The following TBCD variants were observed in gnomAD, a reference collection of about 807,000 sequenced individuals.
The protein encoded by TBCD is tubulin folding cofactor D, also known as tubulin-specific chaperone D.
A neutral mutation model predicts 169.3 loss-of-function variants in TBCD; 105 were observed. The ratio of observed to expected loss-of-function variants is 0.62; its 90% CI spans 0.53 to 0.73. The LOEUF is 0.73. Ranked by LOEUF, TBCD falls within the 30% of genes least tolerant of loss-of-function variation. The pLI is 0.00. For missense variants in TBCD, 1,444 were observed against 1,600.1 expected (o/e 0.90, Z 1.66); for synonymous variants, 700 against 643.9 (o/e 1.09, Z -1.32).
rs1555671184 is a variant in TBCD, at chr17:82,938,106, G to A, written c.3339G>A (p.Leu1113=). 6.2e-7 allele frequency: 1 copy of A among 1,612,810 alleles called. No homozygotes were observed. Among genetic ancestry groups the A allele is most frequent in the Non-Finnish European group, 8.5e-7 (1 of 1,179,858 alleles). ...GDVRRQALLQ[L]CLLLCHRFPL... ...TGAGGAGGCAGGCCCTCCTGCAGCT[G>A]TGTCTGCTCCTCTGCCACCGTTTCC... Residue 1113 remains leucine (L), a synonymous_variant, in exon 36 of 39, where the codon CTG becomes CTA. Transcript: ENST00000355528.
intron 13 of TBCD, among the ~76,000 whole-genome samples, chr17:82,827,863 AC>A (rs1342995143): frequency 7.6e-4 from 81 of 107,266 alleles, no homozygotes; most frequent in East Asian, 1.8e-3. Context: ...ATGCACACAC[AC>A]CCCCCCACAG....
At position 82,861,712 on chromosome 17, in the gene TBCD, G is replaced by A. The variant is rs181235926; in HGVS notation, c.1319-8512G>A. ...CTCACCAAGCTGTGCTGGTGTGGCC[G>A]TGGCACATACCGGGCTTTTTACGTC... On this transcript the variant is annotated intron_variant, in intron 13 of 38. Transcript: ENST00000355528. Among the ~76,000 whole-genome samples, 105 of 152,314 alleles carry A rather than the reference G, an allele frequency of 6.9e-4. 1 individual carries two copies. In the East Asian group the frequency reaches 0.019, roughly 28 times the overall value.
At chr17:82,795,496 T>G in intron 7 of TBCD, 1 of 983,208 alleles carries the variant, frequency 1.0e-6, no homozygotes, top group Non-Finnish European at 1.2e-6. Flanking sequence ...GCGGTCTTCG[T>G]TGTTGAGCAC....
Position 82,920,231 on chromosome 17 carries a change from C to T in TBCD, c.2039-325C>T, listed in dbSNP as rs2061333746. Among the ~76,000 whole-genome samples, 2 of 152,244 alleles carry T rather than the reference C, an allele frequency of 1.3e-5. No homozygotes were observed. Among genetic ancestry groups the T allele is most frequent in the South Asian group, 4.1e-4 (2 of 4,832 alleles). On this transcript the variant is annotated intron_variant, in intron 23 of 38. Transcript: ENST00000355528. The surrounding 1 kb of genome is among the most constrained non-coding windows in gnomAD (Gnocchi z 4.1). ...AGCAGAAGCCGCTATGCTTCCCGTACAGCCTGTCACAGGGACGTCTGCAGC... is the reference window on the plus strand; with the variant it reads ...AGCAGAAGCCGCTATGCTTCCCGTATAGCCTGTCACAGGGACGTCTGCAGC...
chr17:82,859,756 A>T, intron 13 of TBCD: 1 of 985,350 alleles, frequency 1.0e-6, no homozygotes, highest in Non-Finnish European at 1.2e-6. Flanking sequence ...TGCTGCCCAG[A>T]CTCACCCTGA....
Position 82,809,739 on chromosome 17 carries a change from G to T in TBCD, c.1180G>T (p.Ala394Ser), listed in dbSNP as rs372635763. Residue 394 changes from alanine (A) to serine (S), a missense_variant, in exon 12 of 39, where the codon GCC (alanine) becomes TCC (serine). By Grantham distance (99) the Ala-to-Ser change is moderately conservative. Coordinates refer to ENST00000355528, the MANE Select transcript of TBCD (RefSeq NM_005993.5). ...IGRMAGRLPRALADDVVGSVL... is the reference protein window; with the variant it reads ...IGRMAGRLPRSLADDVVGSVL... The stretch of plus-strand genomic sequence containing the variant: ...TAGGATGGCTGGCAGGCTTCCCAGA[G>T]CCCTGGCGGATGATGTGGTCGGGTC... The T allele has an allele frequency of 6.2e-6, 10 of 1,613,556 alleles. No homozygotes were observed. The African/African-American group carries it at 1.1e-4, about 17-fold the overall frequency.
Position 82,935,843 on chromosome 17 carries a change from C to A in TBCD, c.3192-1428C>A, listed in dbSNP as rs529612024. Among the ~76,000 whole-genome samples the A allele has an allele frequency of 2.0e-5, 3 of 152,310 alleles. No homozygotes were observed. In the South Asian group the frequency reaches 6.2e-4, roughly 32 times the overall value. On this transcript the variant is annotated intron_variant, in intron 34 of 38. Coordinates refer to ENST00000355528, the MANE Select transcript of TBCD (RefSeq NM_005993.5). ...CTCATCACTTACTGCTTTTGGGACC[C>A]CCCCCATCGGGGTTCACATTCCCTC...
At chr17:82,865,306 G>A (rs988720947) in intron 13 of TBCD, among the ~76,000 whole-genome samples, 3 of 152,222 alleles carry the variant, frequency 2.0e-5, no homozygotes, top group African/African-American at 7.2e-5. Context: ...CTGCAGGGAC[G>A]GCCACGCGGC....
chr17:82,834,539 A>C (rs1435794219), intron 13 of TBCD, among the ~76,000 whole-genome samples: 4 of 152,240 alleles, frequency 2.6e-5, no homozygotes, highest in Non-Finnish European at 5.9e-5. Context: ...TGCAGCCATA[A>C]AAAGGAACGC....
chr17:82,805,907 A>G lies in TBCD; in HGVS notation c.983A>G (p.Asn328Ser), dbSNP rs2050924588. 2.5e-6 allele frequency: 4 copies of G among 1,611,422 alleles called. No individual in the cohort carries two copies. The East Asian group carries it at 8.9e-5, about 36-fold the overall frequency. The stretch of plus-strand genomic sequence containing the variant: ...CGTGGCTGCCGATCTTTGGCTGCAA[A>G]TCTGCAGCTCCTCACTCAGGGTCAG... The part of the protein sequence containing the change: ...YQRGCRSLAA[N>S]LQLLTQGQSE... The change falls in exon 10 of 39, where the codon AAT becomes AGT. Residue 328 changes from asparagine (N) to serine (S), a missense_variant. Transcript: ENST00000355528.
intron 1 of TBCD, among the ~76,000 whole-genome samples, chr17:82,752,760 C>T (rs1272511812): frequency 1.3e-5 from 2 of 152,210 alleles, no homozygotes; most frequent in African/African-American, 4.8e-5. Flanking sequence ...AGCTGGTCAG[C>T]CCTGCAGTGT....
intron 9 of TBCD, among the ~76,000 whole-genome samples, chr17:82,803,528 T>A (rs2050728313): frequency 6.6e-6 from 1 of 152,112 alleles, no homozygotes; most frequent in Non-Finnish European, 1.5e-5. Context: ...CAACATCCTC[T>A]CCCCCACATA....
chr17:82,900,263 G>C (rs1429377223), intron 17 of TBCD, among the ~76,000 whole-genome samples: 1 of 151,732 alleles, frequency 6.6e-6, no homozygotes, highest in Non-Finnish European at 1.5e-5. Flanking sequence ...GCACGTCCTT[G>C]AATTTTGTGT....
rs933867513 is a variant in TBCD at position 82,915,799 on chromosome 17, A to G, written c.2038+4010A>G. Among the ~76,000 whole-genome samples, 7 of 152,258 alleles carry G rather than the reference A, an allele frequency of 4.6e-5. No homozygotes were observed. Among genetic ancestry groups the G allele is most frequent in the African/African-American group, 1.7e-4 (7 of 41,550 alleles). On this transcript the variant is annotated intron_variant, in intron 23 of 38. Transcript: ENST00000355528. This position sits in a 1 kb window ranked among gnomAD's most constrained non-coding sequence, Gnocchi z 4.3. ...CGAAGACGGGAGGGAAACCAGAGGG[A>G]CTGGTGAGCCTTGAGTCGGCCACAG...
chr17:82,759,325 A>G (rs2047624200), intron 2 of TBCD, among the ~76,000 whole-genome samples: 1 of 152,036 alleles, frequency 6.6e-6, no homozygotes, highest in Non-Finnish European at 1.5e-5. Flanking sequence ...TACTAAAAAT[A>G]CAAAAATTAG....
intron 3 of TBCD, among the ~76,000 whole-genome samples, chr17:82,764,396 G>C (rs1014912419): frequency 5.9e-5 from 9 of 152,214 alleles, no homozygotes; most frequent in Non-Finnish European, 1.0e-4. Flanking sequence ...TGTAATCCCA[G>C]CACTTTGGGA....
At chr17:82,811,936 G>T (rs622789) in intron 12 of TBCD, among the ~76,000 whole-genome samples, 57,551 of 151,918 alleles carry the variant, frequency 0.38, 11,002 homozygotes, top group Middle Eastern at 0.42. Context: ...CTTACTCCCC[G>T]CTCCTTTCCT....
In TBCD at chr17:82,777,619, C is replaced by T. The variant is rs1169168889; in HGVS notation, c.639-3970C>T. ...AGAGGAGAAGGAGATAAACAGCTTA[C>T]ATTATTATTTCTGCTTATCAGAGAC... On this transcript the variant is annotated intron_variant, in intron 6 of 38. Transcript: ENST00000355528. Among the ~76,000 whole-genome samples, 5 of 152,234 alleles carry T rather than the reference C, an allele frequency of 3.3e-5. No individual in the cohort carries two copies. The East Asian group carries it at 7.7e-4, about 23-fold the overall frequency.
At chr17:82,772,314 G>T in intron 5 of TBCD, 138 bp from the exon 6 acceptor site, 7 of 818,802 alleles carry the variant, frequency 8.5e-6, no homozygotes, top group Admixed American at 4.2e-5. Context: ...TTGCAGCTTT[G>T]GACTTAGGCC....
Sources: gnomAD v4.1 joint callset for allele counts (sites outside exome capture counted in the v4.1 genomes callset) on GRCh38, gnomAD v4.1.1 for gene constraint, Gnocchi (gnomAD v3.1) non-coding constraint, MANE v1.5 for transcripts, NCBI Gene and HGNC (gene_info 2026-07-23, HGNC 2026-07-21) for gene names.